Variants in PDE10A observed in about 807,000 individuals in gnomAD.
PDE10A encodes phosphodiesterase 10A.
Under a neutral mutation model 97.7 loss-of-function variants are expected in PDE10A, and 39 were observed. The observed-to-expected ratio is 0.40, with a 90% CI of 0.31 to 0.52. PDE10A has a LOEUF of 0.52. PDE10A is among the 20% of genes least tolerant of loss of function. The probability of loss-of-function intolerance (pLI) is 0.56; values close to 1 mark genes in which losing one functional copy is unlikely to be tolerated. For synonymous variants in PDE10A, 371 were observed against 376.8 expected, an observed-to-expected ratio of 0.98 and a Z score of 0.18; for missense variants, 731 against 1,047.8, an observed-to-expected ratio of 0.70 and a Z score of 4.17.
chr6:165,425,329 T>C (rs1367154782), intron 10 of PDE10A, among the ~76,000 whole-genome samples: 1 of 152,136 alleles, frequency 6.6e-6, no homozygotes, highest in African/African-American at 2.4e-5. Context: ...AATTCCAATA[T>C]AAATTACACA....
intron 3 of PDE10A, among the ~76,000 whole-genome samples, chr6:165,457,323 C>T (rs938550582): frequency 2.1e-5 from 3 of 141,736 alleles, no homozygotes; most frequent in African/African-American, 2.7e-5. Flanking sequence ...TAATTCGAGA[C>T]GAGTTAAAAT....
chr6:165,450,610 G>A (rs1791222573), intron 3 of PDE10A, among the ~76,000 whole-genome samples: 1 of 151,720 alleles, frequency 6.6e-6, no homozygotes, highest in Admixed American at 6.6e-5. Context: ...ACCCAGGCTG[G>A]AATGCAGTGG....
At chr6:165,834,506 T>C (rs1331782929) in intron 1 of PDE10A, among the ~76,000 whole-genome samples, 1 of 152,202 alleles carries the variant, frequency 6.6e-6, no homozygotes, top group Non-Finnish European at 1.5e-5. Flanking sequence ...GTGTTCAGTT[T>C]AGTGGAACAA....
At chr6:165,543,038 G>A (rs1043139051) in intron 2 of PDE10A, among the ~76,000 whole-genome samples, 1 of 151,964 alleles carries the variant, frequency 6.6e-6, no homozygotes, top group African/African-American at 2.4e-5. Flanking sequence ...TTTTATATTG[G>A]CTTGTTTTTG....
In PDE10A at chr6:165,508,373, C is replaced by T. The variant is rs1190311483; in HGVS notation, c.995-26030G>A. Among the ~76,000 whole-genome samples, 5 of 152,006 alleles carry T rather than the reference C, an allele frequency of 3.3e-5. No individual in the cohort carries two copies. In the East Asian group the frequency reaches 9.6e-4, roughly 29 times the overall value. ...CAGTGTAACTGTTTTGAGATTCATC[C>T]ACACTGTTGCCTGTATCAATAATTT... On this transcript the variant is annotated intron_variant, in intron 2 of 21. Coordinates refer to ENST00000539869, the MANE Select transcript of PDE10A (RefSeq NM_001385079.1).
intron 1 of PDE10A, among the ~76,000 whole-genome samples, chr6:165,796,659 C>T (rs1057216006): frequency 6.6e-6 from 1 of 152,166 alleles, no homozygotes; most frequent in Non-Finnish European, 1.5e-5. Context: ...CCAATGACAT[C>T]TACAATCAAC....
At chr6:165,646,623 A>T (rs1789409590) in intron 1 of PDE10A, among the ~76,000 whole-genome samples, 1 of 152,182 alleles carries the variant, frequency 6.6e-6, no homozygotes, top group African/African-American at 2.4e-5. Context: ...GTCATCTGAG[A>T]TGGACAGCAG....
chr6:165,954,848 T>G (rs2128496213), intron 1 of PDE10A, among the ~76,000 whole-genome samples: 1 of 152,152 alleles, frequency 6.6e-6, no homozygotes, highest in Admixed American at 6.5e-5. Flanking sequence ...CCAGCATTTC[T>G]TTCTTCAAAG....
At chr6:165,769,970 C>T (rs1024115779) in intron 1 of PDE10A, among the ~76,000 whole-genome samples, 1 of 152,116 alleles carries the variant, frequency 6.6e-6, no homozygotes, top group Non-Finnish European at 1.5e-5. Flanking sequence ...TTTTCCTTTT[C>T]TTTTATAATG....
intron 2 of PDE10A, among the ~76,000 whole-genome samples, chr6:165,520,864 C>G (rs1051683794): frequency 6.6e-6 from 1 of 152,116 alleles, no homozygotes; most frequent in Non-Finnish European, 1.5e-5. Flanking sequence ...GAAAAGGAAG[C>G]TTTCTCTAAA....
At chr6:165,470,803 ACCAT>A (rs1778950994) in intron 3 of PDE10A, among the ~76,000 whole-genome samples, 1 of 152,000 alleles carries the variant, frequency 6.6e-6, no homozygotes, top group African/African-American at 2.4e-5. Context: ...CTCTGTTTAG[ACCAT>A]CCTCCCCTCT....
chr6:165,333,268 C>T (rs886361405), intron 21 of PDE10A, 141 bp from the exon 22 acceptor site: 74 of 627,198 alleles, frequency 1.2e-4, no homozygotes, highest in South Asian at 1.0e-3. Context: ...ACCAGCACGA[C>T]GTGGCCAGGC....
chr6:165,835,574 G>C (rs1780043429), intron 1 of PDE10A, among the ~76,000 whole-genome samples: 1 of 152,192 alleles, frequency 6.6e-6, no homozygotes, highest in Non-Finnish European at 1.5e-5. Context: ...AAGCCTCCTT[G>C]TAGGATTGGG....
At chr6:165,560,613 G>C (rs1394849334) in intron 1 of PDE10A, among the ~76,000 whole-genome samples, 1 of 152,146 alleles carries the variant, frequency 6.6e-6, no homozygotes, top group African/African-American at 2.4e-5. Flanking sequence ...TCTAAAAATT[G>C]AATTACTTTT....
chr6:165,424,331 A>G (rs1265297883), intron 10 of PDE10A, among the ~76,000 whole-genome samples: 5 of 152,222 alleles, frequency 3.3e-5, no homozygotes, highest in Admixed American at 6.5e-5. Flanking sequence ...CAATGAGGAC[A>G]GAGGCTGTGA....
At position 165,331,950 on chromosome 6, in the gene PDE10A, G is replaced by A. The variant is rs899237893; in HGVS notation, c.*1075C>T. 1.3e-5 allele frequency: 2 copies of A among 152,164 alleles called. No homozygotes were observed. Among genetic ancestry groups the A allele is most frequent in the South Asian group, 2.1e-4 (1 of 4,828 alleles). 9.4% of individuals were successfully genotyped at this position (152,164 alleles called of 1,614,324 possible). On this transcript the variant is annotated 3_prime_UTR_variant, in exon 22 of 22. Transcript: ENST00000539869. ...CTCATGAAATACGACCGTGCAGTAC[G>A]TGGAAGAGATAAGTGAGAGGTGACT...
At chr6:165,369,347 T>C (rs1486821055) in intron 18 of PDE10A, among the ~76,000 whole-genome samples, 7 of 151,646 alleles carry the variant, frequency 4.6e-5, no homozygotes, top group African/African-American at 1.7e-4. Flanking sequence ...TTTAGAAGAA[T>C]GTATAACTAG....
intron 1 of PDE10A, among the ~76,000 whole-genome samples, chr6:165,745,728 A>C (rs1261429521): frequency 6.6e-6 from 1 of 152,236 alleles, no homozygotes. Flanking sequence ...GTCTTATGAC[A>C]TGCAATCCTC....
chr6:165,429,750 T>C (rs1348526999), intron 9 of PDE10A, among the ~76,000 whole-genome samples: 4 of 152,068 alleles, frequency 2.6e-5, no homozygotes, highest in Admixed American at 1.3e-4. Flanking sequence ...AATAAAAATA[T>C]GTGATTTAAT....
Sources: allele counts gnomAD v4.1 joint callset (sites outside exome capture counted in the v4.1 genomes callset), GRCh38; gene constraint gnomAD v4.1.1; transcripts MANE v1.5; gene names NCBI Gene and HGNC (gene_info 2026-07-23, HGNC 2026-07-21).